NTM: variants seen among roughly 807,000 people sequenced by gnomAD.
The protein encoded by NTM is neurotrimin, also known as IgLON family member 2.
A neutral mutation model predicts 42.1 loss-of-function variants in NTM; 13 were observed. The ratio of observed to expected loss-of-function variants is 0.31; its 90% CI spans 0.20 to 0.49. The LOEUF (loss-of-function observed/expected upper bound fraction) is 0.49. Among genes scored for constraint, NTM ranks in the 20% least tolerant of loss-of-function variants. The pLI, the probability that NTM is intolerant of heterozygous loss-of-function variation, is 0.99. For missense variants in NTM, 373 were observed against 452.8 expected, an observed-to-expected ratio of 0.82 and a Z score of 1.60; for synonymous variants, 187 against 179.2, an observed-to-expected ratio of 1.04 and a Z score of -0.35.
At chr11:131,480,427 A>T (rs182047247) in intron 1 of NTM, among the ~76,000 whole-genome samples, 1 of 152,250 alleles carries the variant, frequency 6.6e-6, no homozygotes, top group Non-Finnish European at 1.5e-5. Flanking sequence ...GACATCATAC[A>T]GACCCCCCAC....
intron 1 of NTM, among the ~76,000 whole-genome samples, chr11:131,486,219 C>T (rs1418957521): frequency 3.3e-5 from 5 of 152,104 alleles, no homozygotes; most frequent in Non-Finnish European, 7.3e-5. Flanking sequence ...GACTCTATTG[C>T]CTCCAGAACT....
chr11:131,922,903 C>T (rs888327365), intron 2 of NTM, among the ~76,000 whole-genome samples: 3 of 152,182 alleles, frequency 2.0e-5, no homozygotes, highest in East Asian at 1.9e-4. Context: ...GCTGCTGCCT[C>T]GCTCGTGGGA....
At chr11:131,777,454 A>G (rs1227035316) in intron 1 of NTM, among the ~76,000 whole-genome samples, 1 of 93,202 alleles carries the variant, frequency 1.1e-5, no homozygotes, top group African/African-American at 4.4e-5. Context: ...CCCCCACCCC[A>G]TGCAATCCTA....
At chr11:131,993,617 G>A (rs187660490) in intron 2 of NTM, among the ~76,000 whole-genome samples, 10 of 152,146 alleles carry the variant, frequency 6.6e-5, no homozygotes, top group Non-Finnish European at 1.5e-4. Flanking sequence ...TTCCTAGGGT[G>A]GATATAATTA....
intron 1 of NTM, among the ~76,000 whole-genome samples, chr11:131,480,254 G>T (rs1219144612): frequency 1.3e-5 from 2 of 151,964 alleles, no homozygotes; most frequent in South Asian, 2.1e-4. Flanking sequence ...GATTGCAAGG[G>T]TAATGTCAAG....
intron 1 of NTM, among the ~76,000 whole-genome samples, chr11:131,545,224 T>C (rs1006170162): frequency 6.6e-6 from 1 of 152,332 alleles, no homozygotes; most frequent in South Asian, 2.1e-4. Context: ...TACTCAGGTA[T>C]AACCAGAATG....
chr11:131,668,572 A>T (rs970549461), intron 1 of NTM, among the ~76,000 whole-genome samples: 1 of 152,130 alleles, frequency 6.6e-6, no homozygotes, highest in African/African-American at 2.4e-5. Flanking sequence ...TCTAAAGCAG[A>T]GACTTAAGAT....
intron 1 of NTM, among the ~76,000 whole-genome samples, chr11:131,886,767 G>C (rs148361776): frequency 6.6e-6 from 1 of 152,184 alleles, no homozygotes; most frequent in Non-Finnish European, 1.5e-5. Flanking sequence ...CTTTGCTAAC[G>C]ATGTTTCTGT....
intron 1 of NTM, among the ~76,000 whole-genome samples, chr11:131,869,619 AT>A (rs2047572119): frequency 6.6e-6 from 1 of 152,160 alleles, no homozygotes; most frequent in Admixed American, 6.5e-5. Flanking sequence ...CTCTCATTTT[AT>A]TTTATTCTTA....
At chr11:131,686,935 G>C (rs948127863) in intron 1 of NTM, among the ~76,000 whole-genome samples, 1 of 152,220 alleles carries the variant, frequency 6.6e-6, no homozygotes, top group African/African-American at 2.4e-5. Context: ...TGACCTGCCA[G>C]GGCACACTGG....
At chr11:131,947,930 G>T (rs1322051488) in intron 2 of NTM, among the ~76,000 whole-genome samples, 1 of 152,112 alleles carries the variant, frequency 6.6e-6, no homozygotes, top group Non-Finnish European at 1.5e-5. Context: ...AATAACCATT[G>T]GCTGCTATGA....
intron 1 of NTM, among the ~76,000 whole-genome samples, chr11:131,423,245 A>G (rs1947719561): frequency 6.6e-6 from 1 of 152,208 alleles, no homozygotes; most frequent in Non-Finnish European, 1.5e-5. Flanking sequence ...GCACCACTTT[A>G]TAGATGAGAA....
chr11:132,147,208 T>TGAGA (rs751020746), intron 3 of NTM, among the ~76,000 whole-genome samples: 7 of 127,098 alleles, frequency 5.5e-5, no homozygotes, highest in Non-Finnish European at 8.8e-5. Context: ...TGTGTGTGTG[T>TGAGA]GTGTGTGAGA....
intron 2 of NTM, among the ~76,000 whole-genome samples, chr11:131,950,209 C>T (rs1269862230): frequency 2.0e-5 from 3 of 152,172 alleles, no homozygotes; most frequent in Admixed American, 6.5e-5. Flanking sequence ...TTCCTTTGCC[C>T]TGCAATGTAT....
intron 3 of NTM, among the ~76,000 whole-genome samples, chr11:132,194,510 A>T (rs1323863216): frequency 2.6e-5 from 4 of 152,204 alleles, no homozygotes; most frequent in Non-Finnish European, 5.9e-5. Flanking sequence ...AGTCAACATA[A>T]TACTGAACGG....
At chr11:131,704,317 C>A (rs561161467) in intron 1 of NTM, among the ~76,000 whole-genome samples, 1 of 152,252 alleles carries the variant, frequency 6.6e-6, no homozygotes, top group African/African-American at 2.4e-5. Flanking sequence ...TAGTCTTGCC[C>A]TCACAGATCC....
intron 1 of NTM, among the ~76,000 whole-genome samples, chr11:131,695,073 C>T (rs2075280142): frequency 6.6e-6 from 1 of 152,168 alleles, no homozygotes; most frequent in Non-Finnish European, 1.5e-5. Flanking sequence ...GAGCTGTCTG[C>T]CAGGGGAAAC....
intron 2 of NTM, among the ~76,000 whole-genome samples, chr11:132,139,350 C>T (rs930671231): frequency 1.3e-5 from 2 of 152,130 alleles, no homozygotes; most frequent in South Asian, 2.1e-4. Flanking sequence ...TTGTGGGAGC[C>T]GTGACTTACA....
rs1234431959 is a variant in NTM at position 132,002,136 on chromosome 11, G to C, written c.167+90488G>C. Among the ~76,000 whole-genome samples, 2 of 152,172 alleles carry C rather than the reference G, an allele frequency of 1.3e-5. No individual in the cohort carries two copies. The highest frequency in any genetic ancestry group is 2.9e-5 in the Non-Finnish European group (2 of 68,036). On this transcript the variant is annotated intron_variant, in intron 2 of 8. Transcript: ENST00000683400. This position sits in a 1 kb window ranked among gnomAD's most constrained non-coding sequence, Gnocchi z 4.5. ...GGCTGGAAATTATGCTGCCTGAAGA[G>C]GGTGGAGGCTCTTCAAATGTCCGAT... is the stretch of plus-strand genomic sequence containing the variant.
Sources: allele counts gnomAD v4.1 joint callset (sites outside exome capture counted in the v4.1 genomes callset), GRCh38; gene constraint gnomAD v4.1.1; non-coding constraint Gnocchi (gnomAD v3.1); transcripts MANE v1.5; gene names NCBI Gene and HGNC (gene_info 2026-07-23, HGNC 2026-07-21).